ERC2: variants seen among roughly 807,000 people sequenced by gnomAD.
ERC2 encodes ERC protein 2.
In ERC2, 42 loss-of-function variants were observed where a neutral mutation model predicts 114.8. That is an observed-to-expected ratio of 0.37 (90% CI 0.29 to 0.47). The LOEUF is 0.47. Ranked by LOEUF, ERC2 falls within the 20% of genes least tolerant of loss-of-function variation. ERC2 has a pLI of 0.99. For synonymous variants in ERC2, 454 were observed against 425.5 expected, an observed-to-expected ratio of 1.07 and a Z score of -0.82; for missense variants, 939 against 1,150.7, an observed-to-expected ratio of 0.82 and a Z score of 2.66.
At chr3:56,405,677 G>A (rs2060690855) in intron 2 of ERC2, among the ~76,000 whole-genome samples, 1 of 151,972 alleles carries the variant, frequency 6.6e-6, no homozygotes, top group African/African-American at 2.4e-5. Flanking sequence ...ATAGATAGAT[G>A]AAGAAATAGA....
intron 17 of ERC2, among the ~76,000 whole-genome samples, chr3:55,594,635 A>G (rs2058050057): frequency 6.6e-6 from 1 of 152,018 alleles, no homozygotes; most frequent in Non-Finnish European, 1.5e-5. Flanking sequence ...GCATTGTGCC[A>G]CCACACATGG....
intron 14 of ERC2, among the ~76,000 whole-genome samples, chr3:55,756,904 A>G (rs2067097270): frequency 6.6e-6 from 1 of 152,218 alleles, no homozygotes; most frequent in African/African-American, 2.4e-5. Flanking sequence ...GATTTTAAAA[A>G]ATGAATAAGA....
chr3:55,583,713 C>G (rs996430891), intron 17 of ERC2, among the ~76,000 whole-genome samples: 10 of 151,512 alleles, frequency 6.6e-5, no homozygotes, highest in African/African-American at 1.9e-4. Flanking sequence ...CTTGTGGAAG[C>G]TGGGGGATCT....
At chr3:56,028,545 T>C (rs559989305) in intron 7 of ERC2, among the ~76,000 whole-genome samples, 45 of 152,258 alleles carry the variant, frequency 3.0e-4, no homozygotes, top group Non-Finnish European at 5.0e-4. Flanking sequence ...CTACATATTT[T>C]ATTTTCTTTG....
chr3:55,860,063 A>C (rs1284868756), intron 14 of ERC2, among the ~76,000 whole-genome samples: 2 of 151,820 alleles, frequency 1.3e-5, no homozygotes, highest in Non-Finnish European at 2.9e-5. Context: ...TGAGAGTTTA[A>C]CTCTCCCACC....
At chr3:55,973,714 C>T (rs1158588083) in intron 12 of ERC2, among the ~76,000 whole-genome samples, 2 of 152,186 alleles carry the variant, frequency 1.3e-5, no homozygotes, top group African/African-American at 2.4e-5. Context: ...GTGTTTTGCA[C>T]AGACACTGGC....
chr3:55,980,243 G>A (rs2070000920), intron 12 of ERC2, among the ~76,000 whole-genome samples: 1 of 151,656 alleles, frequency 6.6e-6, no homozygotes, highest in Non-Finnish European at 1.5e-5. Context: ...AGTAAAATGA[G>A]AGAGCAGCAA....
chr3:55,520,055 C>CA (rs10626284), intron 17 of ERC2, among the ~76,000 whole-genome samples: 52,427 of 146,182 alleles, frequency 0.36, 9,521 homozygotes, highest in Middle Eastern at 0.44. Context: ...ACCCAGTCTC[C>CA]AAAAAAAAAG....
At chr3:56,051,826 AACACACACACACACACACACACACAC>A (rs370057271) in intron 7 of ERC2, among the ~76,000 whole-genome samples, 28 of 130,028 alleles carry the variant, frequency 2.2e-4, no homozygotes, top group Admixed American at 1.2e-3. Flanking sequence ...CTCCATCTCA[AACACACACACACACACACACACACAC>A]ACACACACAC....
chr3:56,303,282 CT>C (rs1201183619), intron 2 of ERC2, among the ~76,000 whole-genome samples: 1 of 152,170 alleles, frequency 6.6e-6, no homozygotes, highest in Admixed American at 6.5e-5. Flanking sequence ...TTTTTCCAAA[CT>C]TAGTTGCATA....
intron 14 of ERC2, among the ~76,000 whole-genome samples, chr3:55,765,818 G>C (rs2067739900): frequency 6.6e-6 from 1 of 152,188 alleles, no homozygotes; most frequent in Non-Finnish European, 1.5e-5. Context: ...GCTCAGGTGA[G>C]TTTGGCTTTC....
At chr3:56,328,185 T>G (rs1416947354) in intron 2 of ERC2, among the ~76,000 whole-genome samples, 4 of 152,086 alleles carry the variant, frequency 2.6e-5, no homozygotes, top group African/African-American at 7.2e-5. Context: ...AGACCGAAAT[T>G]TGGTTAATCC....
At position 56,007,164 on chromosome 3, in the gene ERC2, T is replaced by C. The variant is rs184897007; in HGVS notation, c.2061+17A>G. On this transcript the variant is annotated intron_variant, in intron 10 of 17. Coordinates refer to ENST00000288221, the MANE Select transcript of ERC2 (RefSeq NM_015576.3). ...ATTTTTAAATAAGCATGATTCTTTT[T>C]CTTAGACTTCACTTACCTTTTTTAA... is the stretch of plus-strand genomic sequence containing the variant. 295 of 1,539,400 alleles carry C rather than the reference T, an allele frequency of 1.9e-4. No homozygotes were observed. The highest frequency in any genetic ancestry group is 1.8e-3 in the Admixed American group (86 of 46,574).
At chr3:56,151,180 C>A (rs1369023532) in intron 4 of ERC2, among the ~76,000 whole-genome samples, 1 of 152,118 alleles carries the variant, frequency 6.6e-6, no homozygotes, top group African/African-American at 2.4e-5. Flanking sequence ...AATTTTCATG[C>A]CTCAGCCTCC....
intron 17 of ERC2, among the ~76,000 whole-genome samples, chr3:55,538,412 A>C (rs1228261570): frequency 6.6e-6 from 1 of 152,120 alleles, no homozygotes; most frequent in Non-Finnish European, 1.5e-5. Flanking sequence ...CACCATGACA[A>C]CACCACACAT....
At chr3:56,071,946 A>T (rs574662833) in intron 7 of ERC2, among the ~76,000 whole-genome samples, 2 of 152,210 alleles carry the variant, frequency 1.3e-5, no homozygotes, top group Non-Finnish European at 2.9e-5. Context: ...TAAAGTCACC[A>T]AGATGTTTTT....
At chr3:55,566,695 G>A (rs2056397444) in intron 17 of ERC2, among the ~76,000 whole-genome samples, 1 of 152,140 alleles carries the variant, frequency 6.6e-6, no homozygotes, top group Admixed American at 6.5e-5. Flanking sequence ...AAAGTGCTGG[G>A]ATTACAGGCA....
intron 14 of ERC2, among the ~76,000 whole-genome samples, chr3:55,799,144 A>G (rs903828944): frequency 1.3e-5 from 2 of 151,920 alleles, no homozygotes; most frequent in African/African-American, 2.4e-5. Flanking sequence ...TTACTCACCA[A>G]AGCTGATCCA....
intron 2 of ERC2, among the ~76,000 whole-genome samples, chr3:56,430,898 C>T (rs967608056): frequency 2.6e-5 from 4 of 152,164 alleles, no homozygotes; most frequent in African/African-American, 9.7e-5. Flanking sequence ...TACTAAATCA[C>T]AGCTCAGTGA....
Sources: allele counts gnomAD v4.1 joint callset (sites outside exome capture counted in the v4.1 genomes callset), GRCh38; gene constraint gnomAD v4.1.1; transcripts MANE v1.5; gene names NCBI Gene and HGNC (gene_info 2026-07-23, HGNC 2026-07-21).